CLEC4C: variants seen among roughly 807,000 people sequenced by gnomAD.
CLEC4C encodes C-type (calcium dependent, carbohydrate-recognition domain) lectin, superfamily member 11.
Under a neutral mutation model 27.7 loss-of-function variants are expected in CLEC4C, and 17 were observed. The observed-to-expected ratio is 0.61, with a 90% CI of 0.42 to 0.92. The LOEUF (loss-of-function observed/expected upper bound fraction) is 0.92, where lower values mean the gene tolerates loss of function less well. CLEC4C is among the 40% of genes least tolerant of loss of function. The pLI, the probability that CLEC4C is intolerant of heterozygous loss-of-function variation, is 0.00. For synonymous variants in CLEC4C, 80 were observed against 80.8 expected, an observed-to-expected ratio of 0.99 and a Z score of 0.06; for missense variants, 244 against 257.3, an observed-to-expected ratio of 0.95 and a Z score of 0.35.
At chr12:7,749,340 GGCCAGGAGTTCAAGACTA>G (rs1288394400), upstream of CLEC4C, 21 of 151,900 alleles carry the variant, frequency 1.4e-4, no homozygotes, top group African/African-American at 4.8e-4. Context: ...GATTGCTTCA[GGCCAGGAGTTCAAGACTA>G]GCCTGGCCAA....
upstream of CLEC4C, among the ~76,000 whole-genome samples, chr12:7,748,045 AC>A (rs1865025058): frequency 6.6e-6 from 1 of 151,856 alleles, no homozygotes; most frequent in Non-Finnish European, 1.5e-5. Flanking sequence ...GTTGTGAGCC[AC>A]CACGTGCCCG....
In CLEC4C at chr12:7,738,665, A is replaced by AT. The variant is rs769328027; in HGVS notation, c.236-1092dup. On this transcript the variant is annotated intron_variant, in intron 3 of 5. Transcript: ENST00000360345. ...AGGGGCACGCCACCACACCCAGCTA[A>AT]TTTTTTTTGTATTATTTGTAGAGAC... 9.0e-4 allele frequency among the ~76,000 whole-genome samples: 136 copies of AT among 151,372 alleles called. 3 individuals are homozygous for AT. The highest frequency in any genetic ancestry group is 3.2e-3 in the African/African-American group (132 of 41,234).
intron 4 of CLEC4C, among the ~76,000 whole-genome samples, chr12:7,732,972 ATATT>A (rs896971126): frequency 3.3e-5 from 5 of 151,928 alleles, no homozygotes; most frequent in Non-Finnish European, 5.9e-5. Flanking sequence ...TAAAATAAAG[ATATT>A]TATAATAGTA....
intron 4 of CLEC4C, among the ~76,000 whole-genome samples, chr12:7,732,322 G>A (rs1472969264): frequency 6.6e-6 from 1 of 151,204 alleles, no homozygotes; most frequent in African/African-American, 2.4e-5. Context: ...GAGCCATGAT[G>A]TCCAGCCACA....
chr12:7,740,369 G>C (rs896614049), intron 3 of CLEC4C, among the ~76,000 whole-genome samples: 3 of 152,034 alleles, frequency 2.0e-5, no homozygotes, highest in African/African-American at 7.2e-5. Flanking sequence ...GTTGAACTTA[G>C]TGATTAATTG....
chr12:7,747,073 C>T (rs1459627649), intron 1 of CLEC4C, among the ~76,000 whole-genome samples: 1 of 152,222 alleles, frequency 6.6e-6, no homozygotes, highest in Non-Finnish European at 1.5e-5. Context: ...CTCTGCCCAC[C>T]TCGGCCTCCC....
chr12:7,737,324 GTT>G (rs35561801), intron 4 of CLEC4C, 103 bp downstream of exon 4: 1,105 of 741,764 alleles, frequency 1.5e-3, no homozygotes, highest in East Asian at 2.5e-3. Context: ...TTACCCAGAA[GTT>G]TTTTTTTTTT....
intron 2 of CLEC4C, among the ~76,000 whole-genome samples, chr12:7,742,209 A>G (rs998641698): frequency 1.3e-5 from 2 of 151,486 alleles, no homozygotes; most frequent in African/African-American, 2.4e-5. Flanking sequence ...ATAAATAAAA[A>G]TAAAGAATCT....
chr12:7,732,465 C>T (rs1057301585), intron 4 of CLEC4C, among the ~76,000 whole-genome samples: 1 of 151,576 alleles, frequency 6.6e-6, no homozygotes, highest in Non-Finnish European at 1.5e-5. Flanking sequence ...GGTTCTTCTG[C>T]CTCAGGCTCC....
At chr12:7,742,677 C>T (rs1372265963) in intron 2 of CLEC4C, among the ~76,000 whole-genome samples, 3 of 150,466 alleles carry the variant, frequency 2.0e-5, no homozygotes, top group African/African-American at 7.4e-5. Context: ...GGCGTGGTGA[C>T]ACGTGTCTAT....
intron 2 of CLEC4C, among the ~76,000 whole-genome samples, chr12:7,745,564 C>G (rs1864956916): frequency 6.7e-6 from 1 of 150,158 alleles, no homozygotes; most frequent in Non-Finnish European, 1.5e-5. Context: ...TCCCAAGTAG[C>G]TGGGATTACA....
chr12:7,736,657 C>T (rs766014679), intron 4 of CLEC4C, among the ~76,000 whole-genome samples: 4 of 152,174 alleles, frequency 2.6e-5, no homozygotes, highest in African/African-American at 9.6e-5. Context: ...ACCTGTAATC[C>T]CAGCACTTTG....
chr12:7,729,777 C>G (rs369065167), intron 5 of CLEC4C, 37 bp from the exon 6 acceptor site: 1 of 1,607,216 alleles, frequency 6.2e-7, no homozygotes, highest in Non-Finnish European at 8.5e-7. Flanking sequence ...GTTTTGAAAC[C>G]GTGGTTTGGA....
At chr12:7,737,318 C>T in intron 4 of CLEC4C, 111 bp downstream of exon 4, 24 of 946,960 alleles carry the variant, frequency 2.5e-5, no homozygotes, top group East Asian at 1.2e-4. Flanking sequence ...TTTTTTTTAC[C>T]CAGAAGTTTT....
chr12:7,738,291 G>A (rs757504253), intron 3 of CLEC4C, among the ~76,000 whole-genome samples: 3 of 152,042 alleles, frequency 2.0e-5, no homozygotes, highest in Non-Finnish European at 4.4e-5. Context: ...TTCTCACTCA[G>A]AATGTTGAGA....
intron 5 of CLEC4C, among the ~76,000 whole-genome samples, chr12:7,730,364 G>C (rs1010326984): frequency 2.0e-5 from 3 of 152,276 alleles, no homozygotes; most frequent in African/African-American, 7.2e-5. Flanking sequence ...TAAATGGCCG[G>C]GGATGGTGGC....
chr12:7,749,120 G>A (rs1036211353), upstream of CLEC4C: 3 of 152,224 alleles, frequency 2.0e-5, no homozygotes, highest in African/African-American at 7.2e-5. Flanking sequence ...CACGGCCTGA[G>A]GCAGGAGGGC....
chr12:7,736,420 G>T (rs945189413), intron 4 of CLEC4C, among the ~76,000 whole-genome samples: 1 of 152,010 alleles, frequency 6.6e-6, no homozygotes, highest in Non-Finnish European at 1.5e-5. Context: ...AAATGCAGAG[G>T]ATACAGTATG....
At chr12:7,745,281 G>C (rs1565464324) in intron 2 of CLEC4C, among the ~76,000 whole-genome samples, 1 of 152,010 alleles carries the variant, frequency 6.6e-6, no homozygotes, top group East Asian at 1.9e-4. Flanking sequence ...TCCATCATGT[G>C]AGGACACAGC....
Sources: gnomAD v4.1 joint callset for allele counts (sites outside exome capture counted in the v4.1 genomes callset) on GRCh38, gnomAD v4.1.1 for gene constraint, MANE v1.5 for transcripts, NCBI Gene and HGNC (gene_info 2026-07-23, HGNC 2026-07-21) for gene names.